The following PTPRD variants were observed in gnomAD, a reference collection of about 807,000 sequenced individuals.
PTPRD encodes the protein protein tyrosine phosphatase receptor type D, also known as receptor-type tyrosine-protein phosphatase delta.
Under a neutral mutation model 214.5 loss-of-function variants are expected in PTPRD, and 34 were observed. That is an observed-to-expected ratio of 0.16 (90% CI 0.12 to 0.21). The LOEUF is 0.21. PTPRD is among the 10% of genes least tolerant of loss of function. The probability of loss-of-function intolerance (pLI) is 1.00; values close to 1 mark genes in which losing one functional copy is unlikely to be tolerated. For missense variants in PTPRD, 2,545 were observed against 2,398.7 expected (o/e 1.06, Z -1.27); for synonymous variants, 1,128 against 845.7 (o/e 1.33, Z -5.79).
chr9:8,815,867 G>A (rs975964262), intron 11 of PTPRD, among the ~76,000 whole-genome samples: 7 of 152,148 alleles, frequency 4.6e-5, no homozygotes, highest in East Asian at 1.9e-4. Flanking sequence ...AGGCCTTACT[G>A]CTGTTATTAT....
intron 9 of PTPRD, among the ~76,000 whole-genome samples, chr9:9,303,604 T>A (rs1205440363): frequency 1.3e-5 from 2 of 152,078 alleles, no homozygotes; most frequent in Admixed American, 1.3e-4. Context: ...AATAAGCCTA[T>A]CATCTACAAT....
rs1359999987 is a variant in PTPRD, at chr9:10,197,197, G to A, written c.-545+143766C>T. 1.1e-4 allele frequency among the ~76,000 whole-genome samples: 17 copies of A among 152,080 alleles called. No individual in the cohort carries two copies. In the East Asian group the frequency reaches 2.3e-3, roughly 21 times the overall value. On this transcript the variant is annotated intron_variant, in intron 3 of 45. Transcript: ENST00000381196. ...CACCCCCACCCCACCACTCCCTTTT[G>A]GCTCTAGCCTGACCTTTCCTCTTTT... is the stretch of plus-strand genomic sequence containing the variant.
intron 9 of PTPRD, among the ~76,000 whole-genome samples, chr9:9,273,899 T>C (rs542323758): frequency 2.6e-5 from 4 of 151,336 alleles, no homozygotes; most frequent in African/African-American, 7.3e-5. Context: ...CAGAGGTTTG[T>C]CAATATCTAT....
intron 3 of PTPRD, among the ~76,000 whole-genome samples, chr9:10,259,626 T>G (rs2093560773): frequency 6.6e-6 from 1 of 152,110 alleles, no homozygotes; most frequent in Non-Finnish European, 1.5e-5. Flanking sequence ...TTCACACAGT[T>G]TTTCTATAAT....
chr9:9,467,364 G>C (rs1223275577), intron 8 of PTPRD, among the ~76,000 whole-genome samples: 1 of 150,888 alleles, frequency 6.6e-6, no homozygotes, highest in African/African-American at 2.4e-5. Context: ...AAGGCTGATG[G>C]ATCGTCTGAG....
In PTPRD at chr9:8,327,654, T is replaced by A. The variant is rs1467751342; in HGVS notation, c.5534+3928A>T. 3.9e-5 allele frequency among the ~76,000 whole-genome samples: 6 copies of A among 152,154 alleles called. No individual in the cohort carries two copies. The South Asian group carries it at 1.2e-3, about 32-fold the overall frequency. On this transcript the variant is annotated intron_variant, in intron 44 of 45. Transcript: ENST00000381196. The stretch of plus-strand genomic sequence containing the variant: ...AGTGGGGTGTTAAAGTCTCCCACTA[T>A]TATTGTGTGGGAGTCTAAGTCTCTT...
intron 3 of PTPRD, among the ~76,000 whole-genome samples, chr9:10,034,161 C>T (rs1406684485): frequency 2.6e-5 from 4 of 151,990 alleles, no homozygotes; most frequent in African/African-American, 9.7e-5. Context: ...AAATATTGCT[C>T]TGATATAAAA....
chr9:9,471,386 G>A (rs568148710), intron 8 of PTPRD, among the ~76,000 whole-genome samples: 16 of 152,108 alleles, frequency 1.1e-4, no homozygotes, highest in Middle Eastern at 6.8e-3. Flanking sequence ...CCTACAAAGC[G>A]ATCATATTTC....
At chr9:8,421,861 A>T (rs1056299307) in intron 35 of PTPRD, among the ~76,000 whole-genome samples, 23 of 151,690 alleles carry the variant, frequency 1.5e-4, no homozygotes, top group African/African-American at 3.1e-4. Context: ...TTAAATGGTG[A>T]ATTTGCCCGG....
At chr9:10,023,776 G>T (rs2096869447) in intron 4 of PTPRD, among the ~76,000 whole-genome samples, 1 of 151,298 alleles carries the variant, frequency 6.6e-6, no homozygotes, top group Non-Finnish European at 1.5e-5. Flanking sequence ...AAAAGCTTTG[G>T]GAAAAAAAAC....
chr9:10,416,207 A>T (rs1466089858), intron 2 of PTPRD, among the ~76,000 whole-genome samples: 1 of 151,630 alleles, frequency 6.6e-6, no homozygotes. Flanking sequence ...AATTAGAAAA[A>T]ATTAGCCAGG....
intron 36 of PTPRD, among the ~76,000 whole-genome samples, chr9:8,398,362 A>G (rs1025744586): frequency 1.3e-5 from 2 of 152,152 alleles, no homozygotes; most frequent in Non-Finnish European, 2.9e-5. Context: ...AGAGCTTCGG[A>G]TGCGTTATCA....
chr9:9,896,591 T>A (rs982270274), intron 5 of PTPRD, among the ~76,000 whole-genome samples: 2 of 152,020 alleles, frequency 1.3e-5, no homozygotes, highest in African/African-American at 4.8e-5. Context: ...ATCAGAACAT[T>A]TATATTTTTT....
rs1567061890 is a variant in PTPRD, at chr9:8,929,787, ATATATGTGTGTG to A, written c.-104+88898_-104+88909del. On this transcript the variant is annotated intron_variant, in intron 11 of 45. Transcript: ENST00000381196. ...TATATGTGTATATATATGGGTGTGT[ATATATGTGTGTG>A]TATATATGTGTATATATATGTGTAT... 8.7e-3 allele frequency among the ~76,000 whole-genome samples: 1,066 copies of A among 122,678 alleles called. 38 individuals are homozygous for A. The highest frequency in any genetic ancestry group is 0.015 in the African/African-American group (487 of 31,964). The allele number at this position is 122,678 out of a possible 152,430, so 80.5% of individuals were successfully genotyped here. A position where few individuals can be genotyped will look rare whatever the true frequency, so the allele number is the denominator to read the frequency against.
intron 12 of PTPRD, among the ~76,000 whole-genome samples, chr9:8,727,312 T>C (rs1240125694): frequency 6.6e-6 from 1 of 152,232 alleles, no homozygotes; most frequent in African/African-American, 2.4e-5. Flanking sequence ...ACTAGGTAGC[T>C]ACAGCTCTGC....
At position 8,782,263 on chromosome 9, in the gene PTPRD, C is replaced by T. The variant is rs145013752; in HGVS notation, c.-103-48317G>A. 2.1e-3 allele frequency among the ~76,000 whole-genome samples: 321 copies of T among 151,916 alleles called. 1 individual carries two copies. Among genetic ancestry groups the T allele is most frequent in the South Asian group, 0.01 (50 of 4,816 alleles). On this transcript the variant is annotated intron_variant, in intron 11 of 45. Coordinates refer to ENST00000381196, the MANE Select transcript of PTPRD (RefSeq NM_002839.4). ...TAAAATATCTATGCCTCACTTTTTG[C>T]GGTGAAAATATTTAAAATCTACTCT...
intron 2 of PTPRD, among the ~76,000 whole-genome samples, chr9:10,566,318 G>T (rs2065595294): frequency 6.6e-6 from 1 of 151,852 alleles, no homozygotes; most frequent in African/African-American, 2.4e-5. Context: ...TGTGTATATT[G>T]TCAGCTTTTC....
chr9:8,956,196 T>C (rs576964206), intron 11 of PTPRD, among the ~76,000 whole-genome samples: 1 of 151,896 alleles, frequency 6.6e-6, no homozygotes, highest in Non-Finnish European at 1.5e-5. Context: ...AAACTCTTGA[T>C]TAGAAATATT....
chr9:8,483,993 T>C, intron 30 of PTPRD, 126 bp downstream of exon 30: 1 of 1,238,214 alleles, frequency 8.1e-7, no homozygotes, highest in Non-Finnish European at 1.1e-6. Flanking sequence ...AAACTGGGAG[T>C]CTGAGCAGAA....
Sources: gnomAD v4.1 joint callset for allele counts (sites outside exome capture counted in the v4.1 genomes callset) on GRCh38, gnomAD v4.1.1 for gene constraint, MANE v1.5 for transcripts, NCBI Gene and HGNC (gene_info 2026-07-23, HGNC 2026-07-21) for gene names.